Variants in OPCML observed in about 807,000 individuals in gnomAD.
The protein encoded by OPCML is opioid-binding protein/cell adhesion molecule.
In OPCML, 13 loss-of-function variants were observed where a neutral mutation model predicts 37.8. That is an observed-to-expected ratio of 0.34 (90% CI 0.22 to 0.55). The LOEUF is 0.55. OPCML is among the 20% of genes least tolerant of loss of function. The pLI is 0.91. For missense variants in OPCML, 341 were observed against 435.6 expected, an observed-to-expected ratio of 0.78 and a Z score of 1.93; for synonymous variants, 176 against 168.8, an observed-to-expected ratio of 1.04 and a Z score of -0.33.
At chr11:132,741,779 C>A (rs1413710602) in intron 2 of OPCML, among the ~76,000 whole-genome samples, 1 of 152,038 alleles carries the variant, frequency 6.6e-6, no homozygotes, top group Non-Finnish European at 1.5e-5. Flanking sequence ...GTAATCCCAG[C>A]ACTTTGGGAG....
chr11:133,020,958 T>C (rs1947439819), intron 1 of OPCML, among the ~76,000 whole-genome samples: 1 of 152,188 alleles, frequency 6.6e-6, no homozygotes, highest in South Asian at 2.1e-4. Context: ...TCAGAGACTT[T>C]TAACTGATCA....
chr11:133,144,019 T>C lies in OPCML; in HGVS notation c.62-201009A>G, dbSNP rs148579118. On this transcript the variant is annotated intron_variant, in intron 1 of 7. Coordinates refer to ENST00000524381, the MANE Select transcript of OPCML (RefSeq NM_001012393.5). ...GTCTGGTTCTTGTTTCATGTCTGGA[T>C]GTGAAGAGGTGCCACTTAGGGTCTG... 9.3e-3 allele frequency among the ~76,000 whole-genome samples: 1,423 copies of C among 152,320 alleles called. 19 individuals are homozygous for C. The highest frequency in any genetic ancestry group is 0.031 in the African/African-American group (1,278 of 41,572).
chr11:132,784,633 C>T (rs566887140), intron 2 of OPCML, among the ~76,000 whole-genome samples: 6 of 152,202 alleles, frequency 3.9e-5, no homozygotes, highest in Admixed American at 6.5e-5. Flanking sequence ...CAATGTTGGA[C>T]GTGGGCCTGG....
intron 6 of OPCML, 67 bp from the exon 7 acceptor site, chr11:132,436,304 T>C: frequency 6.2e-7 from 1 of 1,610,518 alleles, no homozygotes; most frequent in South Asian, 1.1e-5. Flanking sequence ...CCAAACTCTT[T>C]TCTCCAACTA....
At chr11:133,330,808 A>C (rs1943601783) in intron 1 of OPCML, among the ~76,000 whole-genome samples, 1 of 152,236 alleles carries the variant, frequency 6.6e-6, no homozygotes, top group East Asian at 1.9e-4. Flanking sequence ...CACGTTGTGC[A>C]CATGTACCCT....
chr11:133,117,415 C>G (rs559914193), intron 1 of OPCML, among the ~76,000 whole-genome samples: 1 of 152,284 alleles, frequency 6.6e-6, no homozygotes, highest in South Asian at 2.1e-4. Context: ...CTTCTTATAA[C>G]CATGGTCCTA....
intron 1 of OPCML, among the ~76,000 whole-genome samples, chr11:133,175,689 G>A (rs1950362707): frequency 6.9e-6 from 1 of 145,880 alleles, no homozygotes; most frequent in Non-Finnish European, 1.5e-5. Flanking sequence ...TCTGGATTTA[G>A]AGTGTTTCTA....
At chr11:133,360,196 T>C (rs1395774502) in intron 1 of OPCML, 3 of 152,266 alleles carry the variant, frequency 2.0e-5, no homozygotes, top group African/African-American at 7.2e-5. Context: ...AAATGTATTT[T>C]TTGAAAGCAC....
chr11:132,890,856 C>CAAAAAAAAAAAAAAAAAAAAAA (rs57246769), intron 2 of OPCML, among the ~76,000 whole-genome samples: 1 of 46,468 alleles, frequency 2.2e-5, no homozygotes, highest in Non-Finnish European at 4.9e-5. Flanking sequence ...GACTCCATCT[C>CAAAAAAAAAAAAAAAAAAAAAA]AAAAAAAAAA....
chr11:133,343,531 G>A (rs1403618222), intron 1 of OPCML, among the ~76,000 whole-genome samples: 1 of 152,152 alleles, frequency 6.6e-6, no homozygotes, highest in Non-Finnish European at 1.5e-5. Flanking sequence ...CAGAGGGGGC[G>A]TTTTCAACCC....
chr11:133,522,751 G>A lies in OPCML; in HGVS notation c.61+9513C>T, dbSNP rs575469212. Reference sequence around the variant, plus strand: ...GTCACTATCTGACTATGTGACTTCAGGTAAGACACTCAGATGCCCTTTGCC... The same window carrying A: ...GTCACTATCTGACTATGTGACTTCAAGTAAGACACTCAGATGCCCTTTGCC... On this transcript the variant is annotated intron_variant, in intron 1 of 7. Coordinates refer to ENST00000524381, the MANE Select transcript of OPCML (RefSeq NM_001012393.5). Among the ~76,000 whole-genome samples, 32 of 152,254 alleles carry A rather than the reference G, an allele frequency of 2.1e-4. No homozygotes were observed. The East Asian group carries it at 4.8e-3, about 23-fold the overall frequency.
chr11:132,579,099 T>G (rs925767552), intron 3 of OPCML, among the ~76,000 whole-genome samples: 1 of 152,130 alleles, frequency 6.6e-6, no homozygotes, highest in Non-Finnish European at 1.5e-5. Flanking sequence ...ACAGTAATGA[T>G]CAACTGGGGG....
intron 3 of OPCML, among the ~76,000 whole-genome samples, chr11:132,642,460 TA>T (rs1940906106): frequency 6.6e-6 from 1 of 152,174 alleles, no homozygotes; most frequent in Non-Finnish European, 1.5e-5. Flanking sequence ...TCACATGTAT[TA>T]AAAAGGAGGC....
Position 133,311,647 on chromosome 11 carries a change from C to T in OPCML, c.61+220617G>A, listed in dbSNP as rs181252158. Among the ~76,000 whole-genome samples, 834 of 152,214 alleles carry T rather than the reference C, an allele frequency of 5.5e-3. 10 individuals carry two copies. Among genetic ancestry groups the T allele is most frequent in the African/African-American group, 0.019 (769 of 41,514 alleles). On this transcript the variant is annotated intron_variant, in intron 1 of 7. Transcript: ENST00000524381. ...GAGAAATTTCAAGCAATTTGGGAAG[C>T]TAAGATGGAATGGGGCAGGCTGGCC...
At chr11:132,972,994 C>T (rs1186894223) in intron 1 of OPCML, among the ~76,000 whole-genome samples, 1 of 152,170 alleles carries the variant, frequency 6.6e-6, no homozygotes, top group African/African-American at 2.4e-5. Context: ...CCTCACACAG[C>T]CCATACCTGG....
chr11:133,227,168 G>C (rs148368820), intron 1 of OPCML, among the ~76,000 whole-genome samples: 10 of 152,266 alleles, frequency 6.6e-5, no homozygotes, highest in African/African-American at 2.4e-4. Context: ...GCCCCGGAGG[G>C]ATCCTGTGAA....
chr11:133,069,779 C>T (rs1948495948), intron 1 of OPCML, among the ~76,000 whole-genome samples: 1 of 152,174 alleles, frequency 6.6e-6, no homozygotes, highest in African/African-American at 2.4e-5. Flanking sequence ...ACCATTAACT[C>T]TTAGAAACGC....
chr11:133,034,173 G>T (rs1480960431), intron 1 of OPCML, among the ~76,000 whole-genome samples: 1 of 151,982 alleles, frequency 6.6e-6, no homozygotes, highest in East Asian at 1.9e-4. Context: ...CAGCTTTGAG[G>T]GCCTAGTATA....
At chr11:132,983,167 G>T (rs1338699330) in intron 1 of OPCML, among the ~76,000 whole-genome samples, 2 of 152,162 alleles carry the variant, frequency 1.3e-5, no homozygotes, top group East Asian at 3.9e-4. Context: ...AGTCACCCCA[G>T]CATCTCTCTA....
Sources: gnomAD v4.1 joint callset for allele counts (sites outside exome capture counted in the v4.1 genomes callset) on GRCh38, gnomAD v4.1.1 for gene constraint, MANE v1.5 for transcripts, NCBI Gene and HGNC (gene_info 2026-07-23, HGNC 2026-07-21) for gene names.